CLN3: variants seen among roughly 807,000 people sequenced by gnomAD.
The protein encoded by CLN3 is CLN3 lysosomal/endosomal transmembrane protein, battenin.
CLN3 carries 49 observed loss-of-function variants against 60.7 expected under a neutral mutation model. That is an observed-to-expected ratio of 0.81 (90% CI 0.64 to 1.02). CLN3 has a LOEUF of 1.02. Ranked by LOEUF, CLN3 falls within the 50% of genes least tolerant of loss-of-function variation. The probability of loss-of-function intolerance (pLI) is 0.00; values close to 1 mark genes in which losing one functional copy is unlikely to be tolerated. For synonymous variants in CLN3, 256 were observed against 245.8 expected (o/e 1.04, Z -0.39); for missense variants, 516 against 557.4 (o/e 0.93, Z 0.75).
chr16:28,474,681 A>G (rs1313281769), downstream of CLN3, among the ~76,000 whole-genome samples: 5 of 152,240 alleles, frequency 3.3e-5, no homozygotes, highest in Admixed American at 2.6e-4. Flanking sequence ...CCACTCCTTG[A>G]TATTATCCAA....
downstream of CLN3, chr16:28,469,858 G>C (rs1464655660): frequency 1.6e-4 from 48 of 302,688 alleles, no homozygotes; most frequent in Non-Finnish European, 2.6e-4. Context: ...TGTAATCTGA[G>C]CTACTCAGGA....
chr16:28,483,628 C>T (rs934816628), intron 10 of CLN3, among the ~76,000 whole-genome samples: 4 of 151,892 alleles, frequency 2.6e-5, no homozygotes, highest in African/African-American at 9.7e-5. Context: ...CGCAGGGCCT[C>T]AGCACTTGTG....
intron 4 of CLN3, among the ~76,000 whole-genome samples, chr16:28,488,990 C>T (rs1485969368): frequency 6.6e-6 from 1 of 152,194 alleles, no homozygotes; most frequent in African/African-American, 2.4e-5. Context: ...CAACTTCCAC[C>T]TCCTGGCTTC....
downstream of CLN3, chr16:28,476,807 C>G (rs1662016945): frequency 6.5e-6 from 1 of 153,318 alleles, no homozygotes; most frequent in Non-Finnish European, 1.5e-5. Flanking sequence ...TTGTCCCAAA[C>G]AATGAATGCA....
intron 9 of CLN3, chr16:28,484,405 G>A: frequency 7.3e-6 from 3 of 413,490 alleles, no homozygotes; most frequent in South Asian, 6.7e-5. Flanking sequence ...CTGGAATGCA[G>A]TGGTGCAATC....
rs768149446 is a variant in CLN3 at position 28,486,426 on chromosome 16, G to C, written c.598C>G (p.Leu200Val). Residue 200 changes from leucine (L) to valine (V), a missense_variant, in exon 9 of 16, where the codon CTG (leucine) becomes GTG (valine). Coordinates refer to ENST00000636147, the MANE Select transcript of CLN3 (RefSeq NM_001042432.2). ...GAGAGGCCGGCCTGGGTGAGGCCCA[G>C]GTAGGACAGGGCCCCCAGCAGCCCA... ...GAGLLGALSY[L>V]GLTQAGLSPQ... 8.7e-6 allele frequency: 14 copies of C among 1,613,540 alleles called. No individual in the cohort carries two copies. Among genetic ancestry groups the C allele is most frequent in the Non-Finnish European group, 1.1e-5 (13 of 1,179,914 alleles).
At chr16:28,488,273 TC>T (rs1055692119) in intron 5 of CLN3, 14 of 163,234 alleles carry the variant, frequency 8.6e-5, no homozygotes, top group African/African-American at 3.4e-4. Flanking sequence ...ACTCCTGGTC[TC>T]AAGTGATCCA....
At chr16:28,475,978 T>A (rs2045990679), downstream of CLN3, 1 of 151,438 alleles carries the variant, frequency 6.6e-6, no homozygotes, top group Non-Finnish European at 1.5e-5. Flanking sequence ...CTCCGCCTCC[T>A]GGGTTCAAGC....
At chr16:28,483,514 G>T (rs1163354641) in intron 10 of CLN3, among the ~76,000 whole-genome samples, 4 of 151,558 alleles carry the variant, frequency 2.6e-5, no homozygotes, top group South Asian at 2.1e-4. Context: ...GAACCACCAC[G>T]CCCGGCCAAT....
downstream of CLN3, chr16:28,474,214 CAG>C (rs2045973859): frequency 6.6e-6 from 1 of 152,026 alleles, no homozygotes; most frequent in African/African-American, 2.4e-5. Flanking sequence ...CTGCAGTGAG[CAG>C]AGACTGCGTC....
At chr16:28,467,709 C>G in the CLN3 span, among the ~76,000 whole-genome samples, 1 of 145,622 alleles carries the variant, frequency 6.9e-6, no homozygotes, top group African/African-American at 2.5e-5. Context: ...TCCTGAGTAG[C>G]TGGGAGTACA....
rs368568189 is a variant in CLN3 at position 28,486,339 on chromosome 16, C to T, written c.677+8G>A. On this transcript the variant is annotated splice_region_variant and intron_variant, in intron 9 of 15. Transcript: ENST00000636147. ...GACCCCTCTCCCTCCCGGCTCAGGG[C>T]AGCTCACCTGGCCAGCAGCAGGGCA... is the stretch of plus-strand genomic sequence containing the variant. 2.9e-4 allele frequency: 468 copies of T among 1,611,740 alleles called. 2 individuals carry two copies. The highest frequency in any genetic ancestry group is 3.7e-4 in the Non-Finnish European group (433 of 1,179,988).
At chr16:28,491,638 G>A (rs1567264702) in intron 2 of CLN3, 76 bp downstream of exon 2, 2 of 1,613,696 alleles carry the variant, frequency 1.2e-6, no homozygotes, top group East Asian at 2.2e-5. Context: ...TCCCGGGGCC[G>A]AGTCAGCTCT....
At chr16:28,472,686 T>TA (rs1840674288), downstream of CLN3, among the ~76,000 whole-genome samples, 1 of 142,470 alleles carries the variant, frequency 7.0e-6, no homozygotes, top group Non-Finnish European at 1.5e-5. Flanking sequence ...ATTAAAAATA[T>TA]AAAAAATTAG....
chr16:28,472,429 G>A (rs1469826317), downstream of CLN3, among the ~76,000 whole-genome samples: 6 of 151,986 alleles, frequency 3.9e-5, no homozygotes, highest in Non-Finnish European at 8.8e-5. Flanking sequence ...TAGCAGTTAG[G>A]GTCTACTATG....
At chr16:28,474,646 C>T (rs1228793179), downstream of CLN3, among the ~76,000 whole-genome samples, 1 of 152,142 alleles carries the variant, frequency 6.6e-6, no homozygotes, top group African/African-American at 2.4e-5. Context: ...AAGGATCAAA[C>T]AAAATTACCA....
chr16:28,481,085 G>T (rs936794552), intron 14 of CLN3, among the ~76,000 whole-genome samples: 1 of 152,090 alleles, frequency 6.6e-6, no homozygotes, highest in Non-Finnish European at 1.5e-5. Flanking sequence ...CAGCCTAGGC[G>T]ACAGAGGAAG....
In CLN3 at chr16:28,484,120, TAG is replaced by T. The variant is rs759466828; in HGVS notation, c.678-4_678-3del. The T allele has an allele frequency of 1.1e-5, 17 of 1,603,692 alleles. No homozygotes were observed. The highest frequency in any genetic ancestry group is 1.4e-5 in the Non-Finnish European group (17 of 1,174,032). Reference sequence around the variant, plus strand: ...GGAGATGTGAGCAACAAGAAATAGCTAGGAGTAGGATGAAGGCAGGGTCAGAA... The same window carrying T: ...GGAGATGTGAGCAACAAGAAATAGCTGAGTAGGATGAAGGCAGGGTCAGAA... On this transcript the variant is annotated splice_polypyrimidine_tract_variant and splice_region_variant and intron_variant, in intron 9 of 15. Coordinates refer to ENST00000636147, the MANE Select transcript of CLN3 (RefSeq NM_001042432.2).
chr16:28,487,449 C>G lies in CLN3; in HGVS notation c.460+7G>C, dbSNP rs369389378. On this transcript the variant is annotated splice_region_variant and intron_variant, in intron 7 of 15. Transcript: ENST00000636147. ...GCTCCCCATCTGACACAGAACCACACACTCACCACACAGGCTGGTCCCCAC... is the reference window on the plus strand; with the variant it reads ...GCTCCCCATCTGACACAGAACCACAGACTCACCACACAGGCTGGTCCCCAC... The G allele has an allele frequency of 3.9e-5, 63 of 1,611,872 alleles. 1 individual carries two copies. Among genetic ancestry groups the G allele is most frequent in the Non-Finnish European group, 5.3e-5 (62 of 1,178,138 alleles).
Sources: gnomAD v4.1 joint callset for allele counts (sites outside exome capture counted in the v4.1 genomes callset) on GRCh38, gnomAD v4.1.1 for gene constraint, MANE v1.5 for transcripts, NCBI Gene and HGNC (gene_info 2026-07-23, HGNC 2026-07-21) for gene names.